The following LPP variants were observed in gnomAD, a reference collection of about 807,000 sequenced individuals.
The protein encoded by LPP is lipoma-preferred partner.
A neutral mutation model predicts 60.4 loss-of-function variants in LPP; 38 were observed. The ratio of observed to expected loss-of-function variants is 0.63; its 90% confidence interval spans 0.49 to 0.83. The LOEUF is 0.83. Ranked by LOEUF, LPP falls within the 40% of genes least tolerant of loss-of-function variation. LPP has a pLI of 0.00. For missense variants in LPP, 902 were observed against 783.6 expected, an observed-to-expected ratio of 1.15 and a Z score of -1.80; for synonymous variants, 328 against 290.8, an observed-to-expected ratio of 1.13 and a Z score of -1.30.
intron 8 of LPP, among the ~76,000 whole-genome samples, chr3:188,720,440 A>G (rs1272403): frequency 6.6e-6 from 1 of 152,154 alleles, no homozygotes; most frequent in Non-Finnish European, 1.5e-5. Context: ...GGATTTTGCC[A>G]CTGTACTTGT....
chr3:188,635,497 G>A (rs560424484), intron 7 of LPP, among the ~76,000 whole-genome samples: 19 of 152,288 alleles, frequency 1.2e-4, no homozygotes, highest in Middle Eastern at 3.4e-3. Context: ...CAGACAAGGC[G>A]TTCCGAACCA....
intron 1 of LPP, among the ~76,000 whole-genome samples, chr3:188,221,838 G>A (rs963732158): frequency 4.2e-4 from 64 of 152,306 alleles, no homozygotes; most frequent in African/African-American, 1.4e-3. Flanking sequence ...CATGAAATAT[G>A]AAAATAGCAG....
At chr3:188,452,043 G>C (rs1796712993) in intron 4 of LPP, among the ~76,000 whole-genome samples, 1 of 152,096 alleles carries the variant, frequency 6.6e-6, no homozygotes, top group Non-Finnish European at 1.5e-5. Context: ...TGTTTTCAGA[G>C]AGAAACAGCC....
intron 7 of LPP, among the ~76,000 whole-genome samples, chr3:188,619,430 C>T (rs925032148): frequency 6.6e-6 from 1 of 152,170 alleles, no homozygotes; most frequent in African/African-American, 2.4e-5. Context: ...TCTGCAGGGG[C>T]AGAAAAATGG....
At chr3:188,491,494 G>C (rs1461230482) in intron 5 of LPP, among the ~76,000 whole-genome samples, 1 of 152,216 alleles carries the variant, frequency 6.6e-6, no homozygotes, top group African/African-American at 2.4e-5. Flanking sequence ...CCTTTGCCTA[G>C]TTCCTTTTGG....
intron 8 of LPP, among the ~76,000 whole-genome samples, chr3:188,747,779 A>G (rs565150617): frequency 6.6e-6 from 1 of 152,350 alleles, no homozygotes; most frequent in East Asian, 1.9e-4. Flanking sequence ...CAGACAGCTT[A>G]GTGTTGCTAT....
intron 7 of LPP, among the ~76,000 whole-genome samples, chr3:188,648,043 T>C (rs569411601): frequency 6.6e-6 from 1 of 152,294 alleles, no homozygotes; most frequent in South Asian, 2.1e-4. Flanking sequence ...TGAGACTCAA[T>C]GAAAAAGTAC....
At chr3:188,225,984 G>T (rs1381603500) in intron 2 of LPP, among the ~76,000 whole-genome samples, 1 of 152,142 alleles carries the variant, frequency 6.6e-6, no homozygotes, top group Non-Finnish European at 1.5e-5. Context: ...GCAAAGTGCT[G>T]CTTCTTTTGT....
rs1323041773 is a variant in LPP at position 188,609,911 on chromosome 3, A to G, written c.1113+67A>G. On this transcript the variant is annotated intron_variant, in intron 7 of 11. Transcript: ENST00000617246. This position sits in a 1 kb window ranked among gnomAD's most constrained non-coding sequence, Gnocchi z 6.9. Reference sequence around the variant, plus strand: ...CTATCTTAGTCTGCCTTCCCCAGGAAGCGAAGCCTAAGGCAAAAGTGTGTG... The same window carrying G: ...CTATCTTAGTCTGCCTTCCCCAGGAGGCGAAGCCTAAGGCAAAAGTGTGTG... 6 of 1,477,596 alleles carry G rather than the reference A, an allele frequency of 4.1e-6. No individual in the cohort carries two copies. Among genetic ancestry groups the G allele is most frequent in the Non-Finnish European group, 5.5e-6 (6 of 1,096,542 alleles). The allele number at this position is 1,477,596 out of a possible 1,614,324, so 91.5% of individuals were successfully genotyped here.
At chr3:188,799,789 C>T (rs13322461) in intron 9 of LPP, among the ~76,000 whole-genome samples, 9,225 of 152,180 alleles carry the variant, frequency 0.061, 315 homozygotes, top group East Asian at 0.1. Flanking sequence ...AGAGAGGCAG[C>T]ATGCTATATA....
At chr3:188,242,023 A>AT (rs1725089845) in intron 2 of LPP, among the ~76,000 whole-genome samples, 1 of 152,182 alleles carries the variant, frequency 6.6e-6, no homozygotes, top group African/African-American at 2.4e-5. Flanking sequence ...ATGAGGCCAA[A>AT]TCGCAGGGTG....
chr3:188,637,218 A>G (rs189438026), intron 7 of LPP, among the ~76,000 whole-genome samples: 3 of 151,966 alleles, frequency 2.0e-5, no homozygotes, highest in Admixed American at 1.3e-4. Context: ...CTCACTCAAA[A>G]CCACTCAACT....
chr3:188,728,605 A>T (rs1330593490), intron 8 of LPP, among the ~76,000 whole-genome samples: 1 of 152,176 alleles, frequency 6.6e-6, no homozygotes, highest in African/African-American at 2.4e-5. Context: ...ACACATTTTC[A>T]TAGTAGATTT....
chr3:188,211,979 C>T (rs192120363), intron 1 of LPP, among the ~76,000 whole-genome samples: 3 of 152,280 alleles, frequency 2.0e-5, no homozygotes, highest in Non-Finnish European at 4.4e-5. Flanking sequence ...CTGCCTCAGC[C>T]TCCCAAGTAG....
At chr3:188,486,553 T>G (rs1806598613) in intron 5 of LPP, among the ~76,000 whole-genome samples, 1 of 152,068 alleles carries the variant, frequency 6.6e-6, no homozygotes, top group Non-Finnish European at 1.5e-5. Flanking sequence ...GAGGAGGGAA[T>G]GAGCTCTAGA....
intron 7 of LPP, among the ~76,000 whole-genome samples, chr3:188,640,483 CA>C (rs1422628443): frequency 6.8e-6 from 1 of 147,166 alleles, no homozygotes; most frequent in East Asian, 2.0e-4. Context: ...GTAACCTGCA[CA>C]ATGTGCACAT....
chr3:188,298,747 A>T, intron 2 of LPP, among the ~76,000 whole-genome samples: 1 of 152,204 alleles, frequency 6.6e-6, no homozygotes, highest in Non-Finnish European at 1.5e-5. Flanking sequence ...CTGGAGAGGA[A>T]GCTGAACAAT....
chr3:188,154,443 C>T (rs1715518018), intron 1 of LPP, among the ~76,000 whole-genome samples, 191 bp downstream of exon 1: 1 of 152,020 alleles, frequency 6.6e-6, no homozygotes, highest in Non-Finnish European at 1.5e-5. Context: ...GGGAGGGGGA[C>T]CCAGAGTTTT....
intron 4 of LPP, among the ~76,000 whole-genome samples, chr3:188,450,563 G>T (rs998199198): frequency 6.6e-6 from 1 of 152,036 alleles, no homozygotes; most frequent in Non-Finnish European, 1.5e-5. Context: ...TGACCAACAT[G>T]GTGAAACTCC....
Sources: allele counts gnomAD v4.1 joint callset (sites outside exome capture counted in the v4.1 genomes callset), GRCh38; gene constraint gnomAD v4.1.1; non-coding constraint Gnocchi (gnomAD v3.1); transcripts MANE v1.5; gene names NCBI Gene and HGNC (gene_info 2026-07-23, HGNC 2026-07-21).